LRBA: variants seen among roughly 807,000 people sequenced by gnomAD.
LRBA encodes lipopolysaccharide-responsive and beige-like anchor protein.
LRBA carries 176 observed loss-of-function variants against 330.0 expected under a neutral mutation model. The ratio of observed to expected loss-of-function variants is 0.53; its 90% CI spans 0.47 to 0.60. LRBA has a LOEUF of 0.60. Ranked by LOEUF, LRBA falls within the 20% of genes least tolerant of loss-of-function variation. The pLI is 0.00. For synonymous variants in LRBA, 1,230 were observed against 1,193.0 expected, an observed-to-expected ratio of 1.03 and a Z score of -0.64; for missense variants, 3,259 against 3,444.8, an observed-to-expected ratio of 0.95 and a Z score of 1.35.
chr4:150,803,176 C>T (rs773454586), intron 33 of LRBA, among the ~76,000 whole-genome samples: 2 of 149,534 alleles, frequency 1.3e-5, no homozygotes, highest in South Asian at 4.2e-4. Context: ...TAAATATGGG[C>T]TGGGTATTAG....
intron 2 of LRBA, among the ~76,000 whole-genome samples, chr4:150,978,642 G>A (rs921960188): frequency 1.4e-4 from 22 of 152,010 alleles, no homozygotes; most frequent in Admixed American, 1.4e-3. Flanking sequence ...ATAACACAAA[G>A]AAGGAATTCA....
intron 2 of LRBA, among the ~76,000 whole-genome samples, chr4:150,985,437 C>T (rs1032410280): frequency 6.6e-6 from 1 of 151,022 alleles, no homozygotes; most frequent in Non-Finnish European, 1.5e-5. Context: ...AGCATTTTAG[C>T]CAAGATAAAA....
At chr4:150,399,026 G>C (rs531849621) in intron 47 of LRBA, among the ~76,000 whole-genome samples, 34 of 152,080 alleles carry the variant, frequency 2.2e-4, no homozygotes, top group African/African-American at 7.5e-4. Flanking sequence ...AAGAAAATAT[G>C]GTTGCAGAAT....
chr4:150,549,139 A>G (rs2152241906), intron 40 of LRBA, among the ~76,000 whole-genome samples: 1 of 152,144 alleles, frequency 6.6e-6, no homozygotes, highest in East Asian at 1.9e-4. Context: ...TTTAAGCAAC[A>G]TTTTAAGAAC....
At chr4:150,720,375 C>T (rs1350070589) in intron 36 of LRBA, among the ~76,000 whole-genome samples, 1 of 151,774 alleles carries the variant, frequency 6.6e-6, no homozygotes, top group Non-Finnish European at 1.5e-5. Context: ...ATAACAAAAA[C>T]ATAATGCAAA....
At chr4:150,617,897 A>G (rs1015965872) in intron 37 of LRBA, among the ~76,000 whole-genome samples, 3 of 152,156 alleles carry the variant, frequency 2.0e-5, no homozygotes, top group African/African-American at 7.2e-5. Context: ...GCTTGAGCCC[A>G]GGAGTTCAAC....
rs1554054001 is a variant in LRBA at position 150,555,788 on chromosome 4, A to AC, written c.6330+32259_6330+32260insG. ...ACACACACACACACACACACACACAAACAAATAGAATCTAAAAATATTCTC... is the reference window on the plus strand; with the variant it reads ...ACACACACACACACACACACACACAACACAAATAGAATCTAAAAATATTCTC... On this transcript the variant is annotated intron_variant, in intron 40 of 56. Transcript: ENST00000651943. Among the ~76,000 whole-genome samples, 176 of 101,178 alleles carry AC rather than the reference A, an allele frequency of 1.7e-3. 2 individuals carry two copies. Among genetic ancestry groups the AC allele is most frequent in the African/African-American group, 4.3e-3 (97 of 22,644 alleles). 66.4% of individuals were successfully genotyped at this position (101,178 alleles called of 152,430 possible).
chr4:150,516,502 C>T (rs1762377254), intron 40 of LRBA, among the ~76,000 whole-genome samples: 1 of 151,204 alleles, frequency 6.6e-6, no homozygotes, highest in African/African-American at 2.4e-5. Context: ...CTGATAAAGT[C>T]AAATAGTGAA....
intron 36 of LRBA, among the ~76,000 whole-genome samples, chr4:150,719,762 C>G (rs922635696): frequency 2.6e-5 from 4 of 152,178 alleles, no homozygotes; most frequent in Middle Eastern, 6.8e-3. Context: ...CCTCTTCTAC[C>G]TGGAGATGCC....
chr4:150,511,143 C>T (rs1444643958), intron 40 of LRBA, among the ~76,000 whole-genome samples: 1 of 152,192 alleles, frequency 6.6e-6, no homozygotes, highest in Non-Finnish European at 1.5e-5. Flanking sequence ...CAGGCGTGAG[C>T]CTCCATGCCT....
intron 53 of LRBA, among the ~76,000 whole-genome samples, chr4:150,295,144 G>A (rs1728812158): frequency 6.6e-6 from 1 of 151,420 alleles, no homozygotes; most frequent in South Asian, 2.1e-4. Context: ...CTAACAGTGG[G>A]GAGTGAAGGT....
rs112410471 is a variant in LRBA, at chr4:150,361,980, G to A, written c.7195-11821C>T. Among the ~76,000 whole-genome samples the A allele has an allele frequency of 6.6e-3, 1,002 of 152,106 alleles. 9 individuals carry two copies. The highest frequency in any genetic ancestry group is 0.023 in the African/African-American group (958 of 41,494). On this transcript the variant is annotated intron_variant, in intron 47 of 56. Coordinates refer to ENST00000651943, the MANE Select transcript of LRBA (RefSeq NM_001364905.1). ...GTAGAGACGGGGTTTCACCATGTTA[G>A]CCAGGATGGTCTCGATCTCCTGACC...
intron 40 of LRBA, among the ~76,000 whole-genome samples, chr4:150,559,883 AAT>A (rs1561352471): frequency 5.8e-5 from 1 of 17,280 alleles, no homozygotes; most frequent in African/African-American, 1.5e-4. Flanking sequence ...AATTATATAT[AAT>A]TATATATAAT....
intron 2 of LRBA, among the ~76,000 whole-genome samples, chr4:150,964,513 A>G (rs1738657986): frequency 6.6e-6 from 1 of 150,424 alleles, no homozygotes; most frequent in African/African-American, 2.5e-5. Context: ...CTGTTAATCT[A>G]TAACCTTACC....
intron 40 of LRBA, among the ~76,000 whole-genome samples, chr4:150,548,641 A>C (rs1766169942): frequency 6.6e-6 from 1 of 152,192 alleles, no homozygotes; most frequent in Non-Finnish European, 1.5e-5. Context: ...TTTAAAAAAA[A>C]ATTTAAGAAA....
At chr4:150,667,517 T>TC (rs918456110) in intron 37 of LRBA, among the ~76,000 whole-genome samples, 77 of 152,114 alleles carry the variant, frequency 5.1e-4, no homozygotes, top group Middle Eastern at 3.4e-3. Flanking sequence ...CAAGGAATTT[T>TC]CCCCCAAAAA....
chr4:150,788,799 G>A (rs1447942816), intron 34 of LRBA, among the ~76,000 whole-genome samples: 3 of 148,884 alleles, frequency 2.0e-5, no homozygotes, highest in Non-Finnish European at 4.4e-5. Context: ...TCTAGGTCAG[G>A]CACAGTGGCT....
chr4:150,502,935 C>T (rs1199586487), intron 40 of LRBA, among the ~76,000 whole-genome samples: 1 of 152,122 alleles, frequency 6.6e-6, no homozygotes, highest in Non-Finnish European at 1.5e-5. Flanking sequence ...GGTCCTACAC[C>T]CACGGAGTCT....
At chr4:151,013,812 A>G (rs541595587) in intron 2 of LRBA, 38 of 152,602 alleles carry the variant, frequency 2.5e-4, no homozygotes, top group African/African-American at 8.9e-4. Flanking sequence ...TAAAAATTAT[A>G]CTGTATCTGC....
Sources: allele counts gnomAD v4.1 joint callset (sites outside exome capture counted in the v4.1 genomes callset), GRCh38; gene constraint gnomAD v4.1.1; transcripts MANE v1.5; gene names NCBI Gene and HGNC (gene_info 2026-07-23, HGNC 2026-07-21).